The following RAB38 variants were observed in gnomAD, a reference collection of about 807,000 sequenced individuals.
RAB38 encodes the protein RAB38, member RAS oncogene family.
A neutral mutation model predicts 18.4 loss-of-function variants in RAB38; 15 were observed. That is an observed-to-expected ratio of 0.82 (90% CI 0.55 to 1.26). RAB38 has a LOEUF of 1.26. Ranked by LOEUF, RAB38 falls within the 50% of genes most tolerant of loss-of-function variation. The pLI, the probability that RAB38 is intolerant of heterozygous loss-of-function variation, is 0.00. For synonymous variants in RAB38, 101 were observed against 104.4 expected (o/e 0.97, Z 0.20); for missense variants, 294 against 267.4 (o/e 1.10, Z -0.69).
the RAB38 span, among the ~76,000 whole-genome samples, chr11:87,938,540 C>T: frequency 6.6e-6 from 1 of 151,146 alleles, no homozygotes; most frequent in Non-Finnish European, 1.5e-5. Flanking sequence ...CGGTTCTTTT[C>T]AGTGCCATTA....
intron 1 of RAB38, among the ~76,000 whole-genome samples, chr11:88,154,907 C>T (rs985979205): frequency 1.3e-5 from 2 of 152,198 alleles, no homozygotes; most frequent in African/African-American, 4.8e-5. Flanking sequence ...AGCACCACCT[C>T]ACCTGAATTG....
chr11:87,972,854 G>C, the RAB38 span, among the ~76,000 whole-genome samples: 1 of 152,012 alleles, frequency 6.6e-6, no homozygotes, highest in Non-Finnish European at 1.5e-5. Flanking sequence ...CCCAGTGTTG[G>C]AGGATGGGCC....
chr11:87,818,317 G>C, the RAB38 span, among the ~76,000 whole-genome samples: 2 of 152,210 alleles, frequency 1.3e-5, no homozygotes, highest in East Asian at 1.9e-4. Context: ...TAAAACAAAT[G>C]AATGAACACG....
intron 2 of RAB38, among the ~76,000 whole-genome samples, chr11:88,140,109 T>C (rs769293249): frequency 2.4e-4 from 37 of 152,346 alleles, no homozygotes; most frequent in Admixed American, 6.5e-4. Flanking sequence ...TTATGTGGCA[T>C]TGCCAAGCAA....
At chr11:87,906,314 C>T in the RAB38 span, among the ~76,000 whole-genome samples, 1 of 152,076 alleles carries the variant, frequency 6.6e-6, no homozygotes, top group East Asian at 1.9e-4. Context: ...AGAACCCAAA[C>T]TTATAACCAT....
chr11:88,099,598 T>C, the RAB38 span, among the ~76,000 whole-genome samples: 1 of 151,868 alleles, frequency 6.6e-6, no homozygotes, highest in Non-Finnish European at 1.5e-5. Flanking sequence ...GGGGCACTTG[T>C]GGTCATGTGC....
chr11:88,166,790 G>C (rs1016784499), intron 1 of RAB38: 9 of 151,914 alleles, frequency 5.9e-5, no homozygotes, highest in African/African-American at 1.9e-4. Context: ...TAAGAAAAGT[G>C]GTTGCCATAT....
At chr11:87,918,814 A>C in the RAB38 span, among the ~76,000 whole-genome samples, 5 of 151,802 alleles carry the variant, frequency 3.3e-5, no homozygotes, top group African/African-American at 1.2e-4. Context: ...CTTCCATTCC[A>C]TAGGTTGTCT....
At chr11:87,962,818 A>G in the RAB38 span, among the ~76,000 whole-genome samples, 3 of 152,222 alleles carry the variant, frequency 2.0e-5, no homozygotes, top group African/African-American at 7.2e-5. Flanking sequence ...TGTTTTCACC[A>G]TAAAAAAATA....
At chr11:87,807,412 A>G in the RAB38 span, among the ~76,000 whole-genome samples, 1 of 152,218 alleles carries the variant, frequency 6.6e-6, no homozygotes, top group Non-Finnish European at 1.5e-5. Flanking sequence ...CGAAAGTTTG[A>G]CAGGCCTATG....
the RAB38 span, among the ~76,000 whole-genome samples, chr11:87,947,456 C>G: frequency 6.6e-6 from 1 of 152,140 alleles, no homozygotes; most frequent in Non-Finnish European, 1.5e-5. Flanking sequence ...GACATGAAGT[C>G]CTTCCCCATG....
At chr11:87,883,279 C>T in the RAB38 span, among the ~76,000 whole-genome samples, 5,480 of 151,924 alleles carry the variant, frequency 0.036, 164 homozygotes, top group African/African-American at 0.073. Flanking sequence ...GGAATTGGCT[C>T]ACAGAATCCT....
the RAB38 span, among the ~76,000 whole-genome samples, chr11:87,925,951 C>T: frequency 6.4e-4 from 98 of 152,008 alleles, no homozygotes; most frequent in Non-Finnish European, 1.2e-3. Flanking sequence ...GAAGTCTTTA[C>T]GGAGGGAACA....
intron 2 of RAB38, among the ~76,000 whole-genome samples, chr11:88,117,565 T>C (rs1044550640): frequency 1.3e-5 from 2 of 152,206 alleles, no homozygotes; most frequent in African/African-American, 4.8e-5. Flanking sequence ...TATTTCAGAT[T>C]AGAAATTTTA....
chr11:88,121,227 T>A (rs542311325), intron 2 of RAB38, among the ~76,000 whole-genome samples: 1 of 152,218 alleles, frequency 6.6e-6, no homozygotes, highest in Non-Finnish European at 1.5e-5. Context: ...ACAAGGATTA[T>A]CTTTTATTAT....
At chr11:87,930,013 C>T in the RAB38 span, among the ~76,000 whole-genome samples, 11 of 152,134 alleles carry the variant, frequency 7.2e-5, no homozygotes, top group South Asian at 6.2e-4. Flanking sequence ...TGAATAGTGC[C>T]GCAATAAACA....
the RAB38 span, among the ~76,000 whole-genome samples, chr11:88,089,301 C>A: frequency 6.6e-6 from 1 of 151,706 alleles, no homozygotes; most frequent in African/African-American, 2.4e-5. Context: ...TTTCTTTTGG[C>A]TTTGTTTTTC....
the RAB38 span, among the ~76,000 whole-genome samples, chr11:88,033,958 A>G: frequency 2.7e-3 from 404 of 152,026 alleles, 2 homozygotes; most frequent in African/African-American, 9.1e-3. Flanking sequence ...CGATCTCCTG[A>G]CCTCGTGATC....
the RAB38 span, among the ~76,000 whole-genome samples, chr11:87,912,869 C>CTTTAT: frequency 7.6e-4 from 111 of 145,554 alleles, 3 homozygotes; most frequent in South Asian, 0.019. Context: ...AGGCACATCT[C>CTTTAT]TTTATTTTAT....
Sources: gnomAD v4.1 joint callset for allele counts (sites outside exome capture counted in the v4.1 genomes callset) on GRCh38, gnomAD v4.1.1 for gene constraint, MANE v1.5 for transcripts, NCBI Gene and HGNC (gene_info 2026-07-23, HGNC 2026-07-21) for gene names.